The following FGF12 variants were observed in gnomAD, a reference collection of about 807,000 sequenced individuals.
FGF12 encodes fibroblast growth factor 12B.
A neutral mutation model predicts 23.6 loss-of-function variants in FGF12; 14 were observed. The observed-to-expected ratio is 0.59, with a 90% CI of 0.39 to 0.93. The LOEUF (loss-of-function observed/expected upper bound fraction) is 0.93, where lower values mean the gene tolerates loss of function less well. Ranked by LOEUF, FGF12 falls within the 40% of genes least tolerant of loss-of-function variation. FGF12 has a pLI of 0.00. For missense variants in FGF12, 175 were observed against 217.8 expected (o/e 0.80, Z 1.24); for synonymous variants, 62 against 77.3 (o/e 0.80, Z 1.04).
intron 2 of FGF12, among the ~76,000 whole-genome samples, chr3:192,523,531 CCAAAA>C (rs1485429159): frequency 1.3e-5 from 2 of 152,060 alleles, no homozygotes; most frequent in African/African-American, 4.8e-5. Context: ...ATTAAAGACA[CCAAAA>C]CAGTAATAAA....
chr3:192,212,112 G>A (rs943141233), intron 4 of FGF12, among the ~76,000 whole-genome samples: 1 of 152,160 alleles, frequency 6.6e-6, no homozygotes, highest in African/African-American at 2.4e-5. Flanking sequence ...TTATACAGAC[G>A]TGCACAGCAG....
At chr3:192,301,747 T>C (rs1715359886) in intron 4 of FGF12, among the ~76,000 whole-genome samples, 2 of 152,070 alleles carry the variant, frequency 1.3e-5, no homozygotes, top group African/African-American at 4.8e-5. Flanking sequence ...GTATTTTGAA[T>C]TATGACACTC....
At chr3:192,719,500 A>G (rs975321840) in intron 2 of FGF12, among the ~76,000 whole-genome samples, 3 of 152,218 alleles carry the variant, frequency 2.0e-5, no homozygotes, top group African/African-American at 7.2e-5. Context: ...TAGGCTTGAA[A>G]ATAAAGAGTG....
chr3:192,443,397 A>G (rs1722263009), intron 2 of FGF12, among the ~76,000 whole-genome samples: 1 of 152,212 alleles, frequency 6.6e-6, no homozygotes, highest in African/African-American at 2.4e-5. Flanking sequence ...GGATAATAAT[A>G]TAGAAGATAG....
chr3:192,716,047 T>C (rs1172745643), intron 2 of FGF12, among the ~76,000 whole-genome samples: 10 of 152,386 alleles, frequency 6.6e-5, no homozygotes, highest in Admixed American at 5.2e-4. Flanking sequence ...TATTTCTAGA[T>C]TGAATTCCCA....
chr3:192,247,468 T>A (rs1711699818), intron 4 of FGF12, among the ~76,000 whole-genome samples: 1 of 152,116 alleles, frequency 6.6e-6, no homozygotes, highest in Admixed American at 6.6e-5. Flanking sequence ...CTCACAATCA[T>A]GAATACAATA....
intron 2 of FGF12, among the ~76,000 whole-genome samples, chr3:192,411,159 G>A (rs905533255): frequency 3.3e-5 from 5 of 152,144 alleles, no homozygotes; most frequent in African/African-American, 4.8e-5. Flanking sequence ...TTCTAGATAT[G>A]AGCACAAACC....
chr3:192,459,443 G>C (rs1722786318), intron 2 of FGF12, among the ~76,000 whole-genome samples: 1 of 152,208 alleles, frequency 6.6e-6, no homozygotes, highest in Non-Finnish European at 1.5e-5. Flanking sequence ...ACTCGCATTT[G>C]TTATGATGCT....
intron 5 of FGF12, among the ~76,000 whole-genome samples, chr3:192,155,380 C>G (rs1714346370): frequency 6.6e-6 from 1 of 152,218 alleles, no homozygotes; most frequent in African/African-American, 2.4e-5. Context: ...AACACAATCA[C>G]AATTTCGTAG....
intron 4 of FGF12, among the ~76,000 whole-genome samples, chr3:192,317,282 G>C (rs1272787643): frequency 6.6e-6 from 1 of 151,890 alleles, no homozygotes; most frequent in Non-Finnish European, 1.5e-5. Flanking sequence ...AGGTTCCCAG[G>C]GTAGCCAGCT....
At chr3:192,483,797 T>C (rs1723547296) in intron 2 of FGF12, among the ~76,000 whole-genome samples, 1 of 152,086 alleles carries the variant, frequency 6.6e-6, no homozygotes, top group Non-Finnish European at 1.5e-5. Flanking sequence ...AAAAAAAATG[T>C]ATTTTATTTG....
chr3:192,557,515 CA>C (rs1478792879), intron 2 of FGF12, among the ~76,000 whole-genome samples: 30 of 151,788 alleles, frequency 2.0e-4, no homozygotes, highest in Non-Finnish European at 1.5e-5. Context: ...CATTTTTTCT[CA>C]AACTCTTGTA....
chr3:192,186,695 A>T (rs1449775699), intron 4 of FGF12, among the ~76,000 whole-genome samples: 2 of 152,182 alleles, frequency 1.3e-5, no homozygotes, highest in Non-Finnish European at 2.9e-5. Context: ...TTGCAAAAAA[A>T]TAAAATAAAG....
At chr3:192,239,578 G>A (rs1376529474) in intron 4 of FGF12, among the ~76,000 whole-genome samples, 6 of 152,174 alleles carry the variant, frequency 3.9e-5, no homozygotes, top group African/African-American at 1.4e-4. Context: ...CAGCGGGTGA[G>A]TGAGCACTAC....
chr3:192,244,730 G>T (rs1482580111), intron 4 of FGF12: 1 of 152,148 alleles, frequency 6.6e-6, no homozygotes, highest in Non-Finnish European at 1.5e-5. Context: ...GATATGCACA[G>T]TATGATCAAC....
intron 2 of FGF12, among the ~76,000 whole-genome samples, chr3:192,644,240 C>T (rs1321276016): frequency 6.6e-6 from 1 of 152,154 alleles, no homozygotes; most frequent in African/African-American, 2.4e-5. Context: ...ACCATAACTT[C>T]ATTCAATAAC....
At chr3:192,328,252 G>C (rs985846840) in intron 4 of FGF12, among the ~76,000 whole-genome samples, 1 of 152,192 alleles carries the variant, frequency 6.6e-6, no homozygotes, top group Non-Finnish European at 1.5e-5. Flanking sequence ...GTTTTCCTGA[G>C]AGCCTTCGGC....
At chr3:192,144,785 G>A (rs1713603399) in intron 5 of FGF12, among the ~76,000 whole-genome samples, 1 of 152,126 alleles carries the variant, frequency 6.6e-6, no homozygotes, top group Admixed American at 6.6e-5. Flanking sequence ...GTATTGTCTG[G>A]CTGTAAAGTT....
chr3:192,299,117 GT>G (rs1357591692), intron 4 of FGF12, among the ~76,000 whole-genome samples: 1 of 152,192 alleles, frequency 6.6e-6, no homozygotes, highest in African/African-American at 2.4e-5. Flanking sequence ...ATCAATATCA[GT>G]GAGGATTCAA....
Sources: gnomAD v4.1 joint callset for allele counts (sites outside exome capture counted in the v4.1 genomes callset) on GRCh38, gnomAD v4.1.1 for gene constraint, MANE v1.5 for transcripts, NCBI Gene and HGNC (gene_info 2026-07-23, HGNC 2026-07-21) for gene names.